The following TNRC18 variants were observed in gnomAD, a reference collection of about 807,000 sequenced individuals.
TNRC18 encodes the protein trinucleotide repeat containing 18.
Under a neutral mutation model 226.7 loss-of-function variants are expected in TNRC18, and 69 were observed. That is an observed-to-expected ratio of 0.30 (90% CI 0.25 to 0.37). The LOEUF (loss-of-function observed/expected upper bound fraction) is 0.37, where lower values mean the gene tolerates loss of function less well. Ranked by LOEUF, TNRC18 falls within the 10% of genes least tolerant of loss-of-function variation. The pLI, the probability that TNRC18 is intolerant of heterozygous loss-of-function variation, is 1.00. For missense variants in TNRC18, 4,754 were observed against 4,256.6 expected (o/e 1.12, Z -3.25); for synonymous variants, 2,449 against 1,927.6 (o/e 1.27, Z -7.09).
At chr7:5,409,322 T>G (rs1208075356) in intron 2 of TNRC18, among the ~76,000 whole-genome samples, 1 of 151,818 alleles carries the variant, frequency 6.6e-6, no homozygotes, top group Non-Finnish European at 1.5e-5. Context: ...TAATGGGAAT[T>G]AATGTATGCA....
chr7:5,346,691 T>TC (rs1791232561), intron 17 of TNRC18, among the ~76,000 whole-genome samples: 1 of 151,940 alleles, frequency 6.6e-6, no homozygotes, highest in South Asian at 2.1e-4. Flanking sequence ...TCCTAGCAAC[T>TC]CCCCCATTCT....
intron 24 of TNRC18, among the ~76,000 whole-genome samples, chr7:5,316,944 C>T (rs1787907656): frequency 6.6e-6 from 1 of 152,074 alleles, no homozygotes. Context: ...GCCCAGCTGG[C>T]AGGAGCTGGG....
rs1017864160 is a variant in TNRC18 at position 5,376,883 on chromosome 7, G to C, written c.2572C>G (p.Leu858Val). 3.1e-6 allele frequency: 5 copies of C among 1,611,364 alleles called. No homozygotes were observed. In the African/African-American group the frequency reaches 4.0e-5, roughly 13 times the overall value. Residue 858 changes from leucine to valine, a missense_variant, in exon 8 of 30, where the codon CTG (leucine) becomes GTG (valine). Leu to Val is a conservative substitution (Grantham distance 32). Coordinates refer to ENST00000430969, the MANE Select transcript of TNRC18 (RefSeq NM_001080495.3). The stretch of plus-strand genomic sequence containing the variant: ...AGGTGATCACTGGGAATGACCACCA[G>C]CTGGCCCGATTGGGGGTCCCTGACA... ...QFVRDPQSGQLVVIPSDHLPH... is the reference protein window; with the variant it reads ...QFVRDPQSGQVVVIPSDHLPH...
rs1310812834 is a variant in TNRC18, at chr7:5,306,892, A to ATAAT, written c.*1210_*1213dup. ...AAAAGAAACATAAAAAAAAAAACCAATAATTCCCCCAAAAAACAAACCCAA... is the reference window on the plus strand; with the variant it reads ...AAAAGAAACATAAAAAAAAAAACCAATAATTAATTCCCCCAAAAAACAAACCCAA... On this transcript the variant is annotated 3_prime_UTR_variant, in exon 30 of 30. Transcript: ENST00000430969. 5 of 148,840 alleles carry ATAAT rather than the reference A, an allele frequency of 3.4e-5. No individual in the cohort carries two copies. The East Asian group carries it at 5.8e-4, about 17-fold the overall frequency. 9.2% of individuals were successfully genotyped at this position (148,840 alleles called of 1,614,324 possible).
At chr7:5,366,946 C>T (rs904988525) in intron 11 of TNRC18, among the ~76,000 whole-genome samples, 19 of 152,148 alleles carry the variant, frequency 1.2e-4, no homozygotes, top group African/African-American at 4.3e-4. Context: ...ATTTAATATG[C>T]GAGAATCCTA....
At chr7:5,345,078 G>C (rs1791029125) in intron 18 of TNRC18, among the ~76,000 whole-genome samples, 1 of 152,154 alleles carries the variant, frequency 6.6e-6, no homozygotes, top group Non-Finnish European at 1.5e-5. Context: ...GTTCTCCCAT[G>C]GCACAGACCG....
chr7:5,405,046 G>C (rs1418085254), intron 2 of TNRC18, among the ~76,000 whole-genome samples: 1 of 151,934 alleles, frequency 6.6e-6, no homozygotes, highest in East Asian at 1.9e-4. Flanking sequence ...GAACCTGGGA[G>C]ACAGAGGTTG....
intron 15 of TNRC18, among the ~76,000 whole-genome samples, chr7:5,358,759 A>G (rs545232063): frequency 1.3e-5 from 2 of 152,322 alleles, no homozygotes; most frequent in African/African-American, 4.8e-5. Context: ...TGTTGCAGTG[A>G]GCCGAGATCG....
At chr7:5,420,878 ACT>A (rs1221665493) in intron 2 of TNRC18, 180 bp downstream of exon 2, 1 of 775,392 alleles carries the variant, frequency 1.3e-6, no homozygotes, top group Non-Finnish European at 2.1e-6. Flanking sequence ...GCCGCGCGAC[ACT>A]CTCCACCGCC....
At chr7:5,325,464 C>T (rs1788816204) in intron 19 of TNRC18, 1 of 524,876 alleles carries the variant, frequency 1.9e-6, no homozygotes, top group Non-Finnish European at 3.3e-6. Context: ...CGCTCTGTCA[C>T]CGAGGCTGGA....
chr7:5,324,462 A>C lies in TNRC18; in HGVS notation c.6301-107T>G, dbSNP rs1583773440. On this transcript the variant is annotated intron_variant, in intron 20 of 29. Coordinates refer to ENST00000430969, the MANE Select transcript of TNRC18 (RefSeq NM_001080495.3). The surrounding 1 kb of genome is among the most constrained non-coding windows in gnomAD (Gnocchi z 4.8). ...GAGCCACAGTCAGGCCGCAGGGGGA[A>C]TCTGTCATGTGCATGGCAGGGATCC... is the stretch of plus-strand genomic sequence containing the variant. 2.7e-6 allele frequency: 4 copies of C among 1,457,016 alleles called. No homozygotes were observed. The East Asian group carries it at 9.2e-5, about 33-fold the overall frequency. The allele number at this position is 1,457,016 out of a possible 1,614,324, so 90.3% of individuals were successfully genotyped here. A position where few individuals can be genotyped will look rare whatever the true frequency, so the allele number is the denominator to read the frequency against.
In TNRC18 at chr7:5,389,240, G is replaced by C. The variant is rs778384445; in HGVS notation, c.584C>G (p.Pro195Arg). The C allele has an allele frequency of 1.5e-6, 2 of 1,330,578 alleles. No homozygotes were observed. The highest frequency in any genetic ancestry group is 1.9e-6 in the Non-Finnish European group (2 of 1,042,386). 82.4% of individuals were successfully genotyped at this position (1,330,578 alleles called of 1,614,324 possible). The change falls in exon 5 of 30, where the codon CCG (proline) becomes CGG (arginine). Residue 195 changes from proline to arginine, a missense_variant. By Grantham distance (103) the Pro-to-Arg change is moderately radical. Transcript: ENST00000430969. ...GTCCCGCGACGACGAGCCTTTGGCC[G>C]GGGCGCCCGAGGAGTGGCCGCCGCC... Reference protein sequence around the residue: ...TPGGGHSSGAPAKGSSSRDGP... With the variant: ...TPGGGHSSGARAKGSSSRDGP...
At chr7:5,343,782 T>TG (rs1363133919) in intron 18 of TNRC18, among the ~76,000 whole-genome samples, 4 of 152,248 alleles carry the variant, frequency 2.6e-5, no homozygotes, top group Non-Finnish European at 5.9e-5. Context: ...ATAATGCTAC[T>TG]GCACACTTAA....
At chr7:5,321,719 T>A (rs1012821802) in intron 21 of TNRC18, among the ~76,000 whole-genome samples, 1 of 151,864 alleles carries the variant, frequency 6.6e-6, no homozygotes, top group Non-Finnish European at 1.5e-5. Context: ...TTGCCCAGGC[T>A]GGAGTGCAAT....
At chr7:5,352,204 C>T in intron 16 of TNRC18, 110 bp from the exon 17 acceptor site, 1 of 1,195,774 alleles carries the variant, frequency 8.4e-7, no homozygotes, top group Non-Finnish European at 1.2e-6. Flanking sequence ...CCAGAACAAA[C>T]AGGTCCGAAT....
Position 5,307,259 on chromosome 7 carries a change from ATAT to A in TNRC18, c.*844_*846del, listed in dbSNP as rs1239288781. On this transcript the variant is annotated 3_prime_UTR_variant, in exon 30 of 30. Coordinates refer to ENST00000430969, the MANE Select transcript of TNRC18 (RefSeq NM_001080495.3). ...TTTCACAGTTTTAAAAAGTTTATAT[ATAT>A]ATTTATATATATTTATCTTTATATA... is the stretch of plus-strand genomic sequence containing the variant. The A allele has an allele frequency of 6.7e-6, 1 of 148,516 alleles. No individual in the cohort carries two copies. Among genetic ancestry groups the A allele is most frequent in the Non-Finnish European group, 1.5e-5 (1 of 67,278 alleles). 9.2% of individuals were successfully genotyped at this position (148,516 alleles called of 1,614,324 possible). A position where few individuals can be genotyped will look rare whatever the true frequency, so the allele number is the denominator to read the frequency against.
At chr7:5,396,774 T>C (rs1181444799) in intron 2 of TNRC18, among the ~76,000 whole-genome samples, 1 of 152,108 alleles carries the variant, frequency 6.6e-6, no homozygotes, top group African/African-American at 2.4e-5. Context: ...ATAAGTTATG[T>C]GGCTTTGCAG....
chr7:5,326,592 T>C (rs1788933135), intron 19 of TNRC18, among the ~76,000 whole-genome samples: 1 of 151,894 alleles, frequency 6.6e-6, no homozygotes, highest in South Asian at 2.1e-4. Context: ...ACTACAGACA[T>C]GTACCGCCAT....
At chr7:5,418,613 G>T (rs1269351660) in intron 2 of TNRC18, among the ~76,000 whole-genome samples, 3 of 152,174 alleles carry the variant, frequency 2.0e-5, no homozygotes. Context: ...GTGACCCCAA[G>T]CAAGTGGCTC....
Sources: gnomAD v4.1 joint callset for allele counts (sites outside exome capture counted in the v4.1 genomes callset) on GRCh38, gnomAD v4.1.1 for gene constraint, Gnocchi (gnomAD v3.1) non-coding constraint, MANE v1.5 for transcripts, NCBI Gene and HGNC (gene_info 2026-07-23, HGNC 2026-07-21) for gene names.